Variants in TAFA5 observed in about 807,000 individuals in gnomAD.
TAFA5 encodes chemokine-like protein TAFA-5.
In TAFA5, 6 loss-of-function variants were observed where a neutral mutation model predicts 15.3. That is an observed-to-expected ratio of 0.39 (90% CI 0.21 to 0.77). The LOEUF is 0.77. TAFA5 is among the 30% of genes least tolerant of loss of function. The pLI is 0.41. For synonymous variants in TAFA5, 103 were observed against 80.7 expected (o/e 1.28, Z -1.48); for missense variants, 161 against 193.1 (o/e 0.83, Z 0.98).
chr22:48,565,807 C>A (rs1440170242), intron 1 of TAFA5, among the ~76,000 whole-genome samples: 2 of 152,212 alleles, frequency 1.3e-5, no homozygotes, highest in Non-Finnish European at 2.9e-5. Flanking sequence ...GGGTTTTATT[C>A]TCTCCTGATT....
intron 2 of TAFA5, among the ~76,000 whole-genome samples, chr22:48,699,321 C>T (rs1389248366): frequency 1.3e-5 from 2 of 152,188 alleles, no homozygotes; most frequent in Admixed American, 6.5e-5. Flanking sequence ...GCACACAAAG[C>T]TGGGAGCCCT....
chr22:48,563,162 C>A (rs1923295356), intron 1 of TAFA5, among the ~76,000 whole-genome samples: 1 of 152,206 alleles, frequency 6.6e-6, no homozygotes, highest in African/African-American at 2.4e-5. Context: ...TTTGCGTGGC[C>A]CCCAAGAGCC....
chr22:48,571,831 A>G (rs967067007), intron 1 of TAFA5, among the ~76,000 whole-genome samples: 2 of 151,898 alleles, frequency 1.3e-5, no homozygotes, highest in African/African-American at 4.8e-5. Flanking sequence ...CAAATTTTCC[A>G]TACTTTTTCA....
At chr22:48,677,480 A>G (rs1015489584) in intron 2 of TAFA5, among the ~76,000 whole-genome samples, 1 of 152,210 alleles carries the variant, frequency 6.6e-6, no homozygotes, top group Non-Finnish European at 1.5e-5. Context: ...GCTCCCCGGC[A>G]AGTCTTCATC....
intron 2 of TAFA5, among the ~76,000 whole-genome samples, chr22:48,671,997 A>G (rs1463431400): frequency 1.3e-5 from 2 of 152,206 alleles, no homozygotes; most frequent in African/African-American, 4.8e-5. Flanking sequence ...GAACCTCTCC[A>G]AGTCTCAGTT....
At chr22:48,507,654 G>A (rs1921047539) in intron 1 of TAFA5, among the ~76,000 whole-genome samples, 1 of 152,152 alleles carries the variant, frequency 6.6e-6, no homozygotes. Context: ...GCCAGGATGT[G>A]CGCTTGGCCT....
intron 1 of TAFA5, among the ~76,000 whole-genome samples, chr22:48,551,219 CT>C (rs1419291952): frequency 1.3e-5 from 2 of 152,130 alleles, no homozygotes; most frequent in Non-Finnish European, 2.9e-5. Flanking sequence ...TGACCCTGAC[CT>C]GGACAAGGCT....
At chr22:48,661,781 A>G (rs576376177) in intron 2 of TAFA5, among the ~76,000 whole-genome samples, 1 of 152,236 alleles carries the variant, frequency 6.6e-6, no homozygotes, top group Non-Finnish European at 1.5e-5. Flanking sequence ...AAAGGCCAAT[A>G]AAAGACAAAT....
intron 3 of TAFA5, among the ~76,000 whole-genome samples, chr22:48,740,809 G>A (rs938202016): frequency 7.9e-5 from 12 of 152,296 alleles, no homozygotes; most frequent in South Asian, 2.1e-4. Context: ...ACATGCCCCC[G>A]GCAGGCCTCA....
At chr22:48,538,619 C>G (rs1273227491) in intron 1 of TAFA5, among the ~76,000 whole-genome samples, 1 of 152,216 alleles carries the variant, frequency 6.6e-6, no homozygotes, top group African/African-American at 2.4e-5. Context: ...GCCGTGCTCT[C>G]TGCTCCGGGC....
At chr22:48,678,327 C>T (rs6010582) in intron 2 of TAFA5, among the ~76,000 whole-genome samples, 4 of 152,308 alleles carry the variant, frequency 2.6e-5, no homozygotes, top group African/African-American at 9.6e-5. Context: ...CACCTGGATG[C>T]AGTGGTACAG....
intron 1 of TAFA5, among the ~76,000 whole-genome samples, chr22:48,561,656 A>AC (rs1047063208): frequency 5.3e-5 from 8 of 151,552 alleles, no homozygotes; most frequent in African/African-American, 1.9e-4. Flanking sequence ...CAAGCCTTGG[A>AC]CCCCCCAACC....
Position 48,545,315 on chromosome 22 carries a change from G to A in TAFA5, c.112+55611G>A, listed in dbSNP as rs540404654. ...GGTGGCCCCTGCCTCAGAGGGGGCT[G>A]GATCTGCCCCGGGTCACAGCACTCA... On this transcript the variant is annotated intron_variant, in intron 1 of 3. Transcript: ENST00000402357. 12 of 247,914 alleles carry A rather than the reference G, an allele frequency of 4.8e-5. No individual in the cohort carries two copies. In the South Asian group the frequency reaches 7.0e-4, roughly 15 times the overall value. The allele number at this position is 247,914 out of a possible 1,614,324, so 15.4% of individuals were successfully genotyped here.
At chr22:48,520,306 G>A (rs1044637389) in intron 1 of TAFA5, among the ~76,000 whole-genome samples, 19 of 152,236 alleles carry the variant, frequency 1.2e-4, no homozygotes, top group Admixed American at 1.2e-3. Context: ...CGCCACCCTC[G>A]GGGTGTGAGG....
At chr22:48,504,047 C>A (rs953108265) in intron 1 of TAFA5, among the ~76,000 whole-genome samples, 8 of 152,236 alleles carry the variant, frequency 5.3e-5, no homozygotes, top group African/African-American at 9.6e-5. Flanking sequence ...GAACTCAACA[C>A]CCAGTTGCTC....
intron 1 of TAFA5, chr22:48,546,842 GTGCGGGGAGGACGAT>G: frequency 3.3e-6 from 1 of 300,460 alleles, no homozygotes; most frequent in South Asian, 2.8e-5. Flanking sequence ...CCACCCTCTC[GTGCGGGGAGGACGAT>G]TGCGGATGGC....
rs543034236 is a variant in TAFA5 at position 48,596,745 on chromosome 22, C to T, written c.113-49852C>T. Among the ~76,000 whole-genome samples, 4 of 152,316 alleles carry T rather than the reference C, an allele frequency of 2.6e-5. No homozygotes were observed. In the East Asian group the frequency reaches 7.7e-4, roughly 29 times the overall value. ...TATCGTGACGTGCGTCCACCGAGAT[C>T]GTAGCATACAGAGGGGCGCCACTGC... On this transcript the variant is annotated intron_variant, in intron 1 of 3. Transcript: ENST00000402357.
chr22:48,639,231 G>T (rs1926587497), intron 1 of TAFA5, among the ~76,000 whole-genome samples: 1 of 152,148 alleles, frequency 6.6e-6, no homozygotes, highest in African/African-American at 2.4e-5. Flanking sequence ...CTGCCCCCGG[G>T]CCCCACCTTC....
intron 2 of TAFA5, among the ~76,000 whole-genome samples, chr22:48,701,925 C>T (rs372379136): frequency 3.9e-5 from 6 of 152,320 alleles, no homozygotes; most frequent in South Asian, 2.1e-4. Flanking sequence ...TGCGTCATCC[C>T]GGGGACTGGG....
Sources: gnomAD v4.1 joint callset for allele counts (sites outside exome capture counted in the v4.1 genomes callset) on GRCh38, gnomAD v4.1.1 for gene constraint, MANE v1.5 for transcripts, NCBI Gene and HGNC (gene_info 2026-07-23, HGNC 2026-07-21) for gene names.